The following BAIAP2 variants were observed in gnomAD, a reference collection of about 807,000 sequenced individuals.
BAIAP2 encodes BAR/IMD domain-containing adapter protein 2.
BAIAP2 carries 18 observed loss-of-function variants against 63.0 expected under a neutral mutation model. The observed-to-expected ratio is 0.29, with a 90% CI of 0.20 to 0.42. The LOEUF (loss-of-function observed/expected upper bound fraction) is 0.42, where lower values mean the gene tolerates loss of function less well. Among genes scored for constraint, BAIAP2 ranks in the 10% least tolerant of loss-of-function variants. BAIAP2 has a pLI of 1.00. For missense variants in BAIAP2, 610 were observed against 734.3 expected (o/e 0.83, Z 1.96); for synonymous variants, 386 against 307.6 (o/e 1.25, Z -2.67).
chr17:81,042,767 G>A (rs1374733755), intron 1 of BAIAP2, among the ~76,000 whole-genome samples: 1 of 152,166 alleles, frequency 6.6e-6, no homozygotes, highest in Non-Finnish European at 1.5e-5. Flanking sequence ...CGCAGGAGCT[G>A]GAATCTGTCC....
In BAIAP2 at chr17:81,099,979, G is replaced by A. The variant is rs1161177363; in HGVS notation, c.541G>A (p.Asp181Asn). The A allele has an allele frequency of 1.9e-6, 3 of 1,613,464 alleles. No individual in the cohort carries two copies. Among genetic ancestry groups the A allele is most frequent in the Non-Finnish European group, 2.5e-6 (3 of 1,179,966 alleles). The change falls in exon 7 of 14, where the codon GAC (aspartate) becomes AAC (asparagine). Residue 181 changes from aspartate (D) to asparagine (N), a missense_variant. Coordinates refer to ENST00000428708, the MANE Select transcript of BAIAP2 (RefSeq NM_001144888.2). The part of the protein sequence containing the change: ...KQGELENYVS[D>N]GYKTALTEER... ...GGGCGAGCTGGAGAATTACGTGTCCGACGGCTACAAGACCGCACTGACAGA... is the reference window on the plus strand; with the variant it reads ...GGGCGAGCTGGAGAATTACGTGTCCAACGGCTACAAGACCGCACTGACAGA...
chr17:81,035,183 T>C lies in BAIAP2; in HGVS notation c.-72T>C, dbSNP rs1487253542. On this transcript the variant is annotated 5_prime_UTR_variant, in exon 1 of 14. Transcript: ENST00000428708. ...GGGTCCGCTTTCGTCTCCGTCCTGCTGCCGTTACCGCCGCTGCTGCCGCCG... is the reference window on the plus strand; with the variant it reads ...GGGTCCGCTTTCGTCTCCGTCCTGCCGCCGTTACCGCCGCTGCTGCCGCCG... The C allele has an allele frequency of 9.2e-6, 12 of 1,299,918 alleles. No homozygotes were observed. The highest frequency in any genetic ancestry group is 1.2e-5 in the Non-Finnish European group (12 of 970,818). The allele number at this position is 1,299,918 out of a possible 1,614,324, so 80.5% of individuals were successfully genotyped here.
intron 1 of BAIAP2, among the ~76,000 whole-genome samples, chr17:81,036,473 G>C (rs146509838): frequency 6.4e-4 from 97 of 152,388 alleles, no homozygotes; most frequent in Non-Finnish European, 2.6e-4. Context: ...AGCCCTCTTA[G>C]CTCTCAGGCT....
In BAIAP2 at chr17:81,048,336, G is replaced by A. The variant is rs557411180; in HGVS notation, c.55-5332G>A. ...TGCACCACTGCACTCCAGCCTGGGC[G>A]ACAGAGCAAGACTCTGTCTCAAAAA... On this transcript the variant is annotated intron_variant, in intron 1 of 13. Transcript: ENST00000428708. 6.4e-4 allele frequency among the ~76,000 whole-genome samples: 89 copies of A among 139,462 alleles called. 1 individual carries two copies. The highest frequency in any genetic ancestry group is 1.4e-3 in the African/African-American group (51 of 36,920). The allele number at this position is 139,462 out of a possible 152,430, so 91.5% of individuals were successfully genotyped here.
At chr17:81,084,800 C>T (rs1250088574) in intron 3 of BAIAP2, 32 bp from the exon 4 acceptor site, 2 of 1,609,556 alleles carry the variant, frequency 1.2e-6, no homozygotes, top group Admixed American at 1.7e-5. Context: ...CACCTGACTC[C>T]CTCCCCTTCC....
At chr17:81,115,175 A>T (rs2060384779) in intron 13 of BAIAP2, among the ~76,000 whole-genome samples, 1 of 152,112 alleles carries the variant, frequency 6.6e-6, no homozygotes, top group African/African-American at 2.4e-5. Flanking sequence ...CCCTCGGGGG[A>T]CAGGTGGCTG....
rs775556041 is a variant in BAIAP2 at position 81,057,938 on chromosome 17, C to G, written c.188C>G (p.Ala63Gly). 6.4e-7 allele frequency: 1 copy of G among 1,572,806 alleles called. No homozygotes were observed. Among genetic ancestry groups the G allele is most frequent in the Non-Finnish European group, 8.6e-7 (1 of 1,160,486 alleles). The change falls in exon 3 of 14, where the codon GCC becomes GGC. Residue 63 changes from alanine (A) to glycine (G), a missense_variant. This residue lies in a region of BAIAP2 where 389 missense variants were observed against 455.6 expected (regional missense o/e 0.85). Transcript: ENST00000428708. ...FDALVKMGEL[A>G]SESQGSKELG... ...GCCCTGGTGAAGATGGGGGAGCTGG[C>G]CAGCGAGAGCCAGGGCTCCAAAGAA...
chr17:81,043,415 G>A (rs112154319), intron 1 of BAIAP2, among the ~76,000 whole-genome samples: 4,644 of 152,284 alleles, frequency 0.03, 97 homozygotes, highest in South Asian at 0.088. Flanking sequence ...CAGGGCCTCG[G>A]TGGCCCCAGG....
At chr17:81,099,191 C>T (rs1022918096) in intron 6 of BAIAP2, among the ~76,000 whole-genome samples, 1 of 59,228 alleles carries the variant, frequency 1.7e-5, no homozygotes, top group African/African-American at 6.9e-5. Context: ...CTCCCAGTCT[C>T]CGCTCGGTGA....
At chr17:81,080,566 A>G (rs990317194) in intron 3 of BAIAP2, among the ~76,000 whole-genome samples, 1 of 149,950 alleles carries the variant, frequency 6.7e-6, no homozygotes, top group Non-Finnish European at 1.5e-5. Context: ...AGCTCCACAT[A>G]CTCTTTTTCT....
At chr17:81,102,339 C>T (rs1383482502) in intron 7 of BAIAP2, among the ~76,000 whole-genome samples, 2 of 152,214 alleles carry the variant, frequency 1.3e-5, no homozygotes, top group Non-Finnish European at 2.9e-5. Context: ...CGGCCGTCTG[C>T]CCTAGTGCTG....
At chr17:81,108,146 G>A (rs1266757037) in intron 12 of BAIAP2, 29 of 430,882 alleles carry the variant, frequency 6.7e-5, no homozygotes, top group South Asian at 3.6e-4. Flanking sequence ...GGTGCCCTGC[G>A]GGGGCCTCGG....
chr17:81,099,822 C>T (rs1017900369), intron 6 of BAIAP2, 106 bp from the exon 7 acceptor site: 2 of 1,314,926 alleles, frequency 1.5e-6, no homozygotes, highest in Non-Finnish European at 1.1e-6. Context: ...AGCTGCTCTG[C>T]ATGAATGAGA....
chr17:81,090,800 A>T (rs2056593878), intron 6 of BAIAP2, among the ~76,000 whole-genome samples: 1 of 152,012 alleles, frequency 6.6e-6, no homozygotes, highest in South Asian at 2.1e-4. Context: ...CCTGGCTGGG[A>T]TGTGCTGCCG....
chr17:81,108,980 G>A (rs775394160), intron 13 of BAIAP2: 36 of 1,548,954 alleles, frequency 2.3e-5, no homozygotes, highest in Non-Finnish European at 3.0e-5. Flanking sequence ...GCAGCGGCAC[G>A]CTGGTGTCCA....
rs1029613206 is a variant in BAIAP2, at chr17:81,037,040, G to A, written c.54+1732G>A. On this transcript the variant is annotated intron_variant, in intron 1 of 13. Coordinates refer to ENST00000428708, the MANE Select transcript of BAIAP2 (RefSeq NM_001144888.2). ...ATAAAACTCTCCTAACCGGGCAGTA[G>A]GCCTTCACCTAGGTGAAGCTGTAAT... 1.4e-5 allele frequency: 16 copies of A among 1,174,058 alleles called. No individual in the cohort carries two copies. In the African/African-American group the frequency reaches 2.0e-4, roughly 15 times the overall value. 72.7% of individuals were successfully genotyped at this position (1,174,058 alleles called of 1,614,324 possible). A position where few individuals can be genotyped will look rare whatever the true frequency, so the allele number is the denominator to read the frequency against.
chr17:81,078,346 G>A (rs1204218714), intron 3 of BAIAP2, among the ~76,000 whole-genome samples: 2 of 148,256 alleles, frequency 1.3e-5, no homozygotes, highest in African/African-American at 5.0e-5. Flanking sequence ...GGCGCTGTGG[G>A]TGCAGGTTCC....
At chr17:81,110,863 G>T (rs537314224) in intron 13 of BAIAP2, 1 of 1,611,674 alleles carries the variant, frequency 6.2e-7, no homozygotes, top group East Asian at 2.2e-5. Context: ...CTGCACCCCC[G>T]AGTCCTCAGA....
At chr17:81,062,611 G>GC (rs1166953901) in intron 3 of BAIAP2, among the ~76,000 whole-genome samples, 1 of 152,006 alleles carries the variant, frequency 6.6e-6, no homozygotes, top group Non-Finnish European at 1.5e-5. Context: ...CCGGGTCAGA[G>GC]CCCCGTGTTT....
Sources: allele counts gnomAD v4.1 joint callset (sites outside exome capture counted in the v4.1 genomes callset), GRCh38; gene constraint gnomAD v4.1.1; regional missense constraint gnomAD v4.1.1; transcripts MANE v1.5; gene names NCBI Gene and HGNC (gene_info 2026-07-23, HGNC 2026-07-21).